HERC1: variants seen among roughly 807,000 people sequenced by gnomAD.
The protein encoded by HERC1 is probable E3 ubiquitin-protein ligase HERC1.
A neutral mutation model predicts 554.3 loss-of-function variants in HERC1; 160 were observed. That is an observed-to-expected ratio of 0.29 (90% CI 0.25 to 0.33). HERC1 has a LOEUF of 0.33. HERC1 is among the 10% of genes least tolerant of loss of function. The pLI is 1.00. For missense variants in HERC1, 4,919 were observed against 5,918.5 expected (o/e 0.83, Z 5.54); for synonymous variants, 2,175 against 2,131.7 (o/e 1.02, Z -0.56).
At chr15:63,766,649 C>T (rs950427875) in intron 2 of HERC1, among the ~76,000 whole-genome samples, 3 of 152,192 alleles carry the variant, frequency 2.0e-5, no homozygotes, top group Non-Finnish European at 4.4e-5. Context: ...TTTTAAGTTT[C>T]GTAATACATT....
At chr15:63,661,121 T>A in intron 45 of HERC1, 96 bp from the exon 46 acceptor site, 2 of 873,186 alleles carry the variant, frequency 2.3e-6, no homozygotes, top group Non-Finnish European at 3.8e-6. Flanking sequence ...AGGTCATTAA[T>A]AAAGCAGCAC....
At chr15:63,630,057 T>C (rs949375417) in intron 69 of HERC1, among the ~76,000 whole-genome samples, 1 of 152,176 alleles carries the variant, frequency 6.6e-6, no homozygotes, top group Non-Finnish European at 1.5e-5. Context: ...ATAAAAATAT[T>C]ATTGTTTCAT....
At chr15:63,725,081 T>C (rs912057649) in intron 18 of HERC1, among the ~76,000 whole-genome samples, 2 of 152,112 alleles carry the variant, frequency 1.3e-5, no homozygotes, top group Non-Finnish European at 2.9e-5. Flanking sequence ...AGACCTACAA[T>C]TTCTATTTCC....
chr15:63,661,025 C>G lies in HERC1; in HGVS notation c.9171G>C (p.Arg3057Ser). 6.2e-7 allele frequency: 1 copy of G among 1,609,784 alleles called. No homozygotes were observed. Among genetic ancestry groups the G allele is most frequent in the Non-Finnish European group, 8.5e-7 (1 of 1,176,190 alleles). ...KTKSKSTSSE[R>S]YKGQAPDLIG... ...TTAGATCTGGAGCTTGTCCCTTGTA[C>G]CTGCACCAAACATGAAGAACATTGC... The change falls in exon 46 of 78, where the codon AGG becomes AGC. Residue 3057 changes from arginine to serine, a missense_variant and splice_region_variant. Around this residue, in one of 11 missense-constraint regions of HERC1, gnomAD observed 1,963 missense variants for 2,228.6 expected, o/e 0.88. Coordinates refer to ENST00000443617, the MANE Select transcript of HERC1 (RefSeq NM_003922.4).
chr15:63,618,148 T>G lies in HERC1; in HGVS notation c.13689-1466A>C, dbSNP rs999366959. On this transcript the variant is annotated intron_variant, in intron 74 of 77. Transcript: ENST00000443617. ...GTTTTTATGGTTTTAGGTCTAACAT[T>G]TAAGTCTTTAATCCATCTTGAATTC... 6.9e-3 allele frequency among the ~76,000 whole-genome samples: 1,046 copies of G among 151,820 alleles called. 12 individuals carry two copies. Among genetic ancestry groups the G allele is most frequent in the African/African-American group, 0.024 (1,006 of 41,366 alleles).
intron 1 of HERC1, among the ~76,000 whole-genome samples, chr15:63,800,245 G>T (rs896671241): frequency 4.6e-5 from 7 of 152,144 alleles, no homozygotes; most frequent in African/African-American, 1.7e-4. Flanking sequence ...TTTCAAAGGG[G>T]AAGAGTTTAA....
At chr15:63,752,428 T>C (rs747079292) in intron 8 of HERC1, 1 of 152,234 alleles carries the variant, frequency 6.6e-6, no homozygotes, top group African/African-American at 2.4e-5. Flanking sequence ...AAAATACGCA[T>C]GTAAAAGTTC....
intron 1 of HERC1, among the ~76,000 whole-genome samples, chr15:63,826,814 A>AAAAAAATATATATATATAT (rs1567168622): frequency 4.5e-5 from 1 of 22,240 alleles, no homozygotes; most frequent in African/African-American, 1.3e-4. Context: ...AAAAAAAAAA[A>AAAAAAATATATATATATAT]ATATATATAT....
chr15:63,649,304 G>A (rs1053860262), intron 54 of HERC1, among the ~76,000 whole-genome samples: 1 of 152,138 alleles, frequency 6.6e-6, no homozygotes, highest in East Asian at 1.9e-4. Flanking sequence ...AGTGAGCCGA[G>A]ATCGCGCCAC....
At chr15:63,647,226 C>A (rs950126937) in intron 55 of HERC1, among the ~76,000 whole-genome samples, 1 of 151,516 alleles carries the variant, frequency 6.6e-6, no homozygotes, top group Admixed American at 6.6e-5. Context: ...TGCACTCCAG[C>A]CTGGGCGAAA....
chr15:63,674,192 T>C, intron 38 of HERC1, 150 bp downstream of exon 38: 1 of 563,404 alleles, frequency 1.8e-6, no homozygotes, highest in East Asian at 3.1e-5. Context: ...AAAAGAACTG[T>C]TTTCAAGAAA....
At chr15:63,664,657 G>A (rs1430389514) in intron 42 of HERC1, 63 bp from the exon 43 acceptor site, 4 of 1,463,738 alleles carry the variant, frequency 2.7e-6, no homozygotes, top group Non-Finnish European at 3.7e-6. Context: ...GAAAGCATAG[G>A]TGTAAGCTTA....
rs756166723 is a variant in HERC1 at position 63,656,092 on chromosome 15, G to T, written c.9866C>A (p.Thr3289Lys). ...SAAKLLVQLC[T>K]QNLISAATGV... Reference sequence around the variant, plus strand: ...AAAGTACTGAAAGTAGCTTACCTGTGTACACAACTGTACAAGCAGTTTGGC... The same window carrying T: ...AAAGTACTGAAAGTAGCTTACCTGTTTACACAACTGTACAAGCAGTTTGGC... Residue 3289 changes from threonine (T) to lysine (K), a missense_variant, in exon 49 of 78, where the codon ACA becomes AAA. Coordinates refer to ENST00000443617, the MANE Select transcript of HERC1 (RefSeq NM_003922.4). The T allele has an allele frequency of 6.2e-7, 1 of 1,612,498 alleles. No individual in the cohort carries two copies. The highest frequency in any genetic ancestry group is 8.5e-7 in the Non-Finnish European group (1 of 1,179,100).
At chr15:63,662,715 A>C (rs572639740) in intron 44 of HERC1, among the ~76,000 whole-genome samples, 1 of 152,342 alleles carries the variant, frequency 6.6e-6, no homozygotes, top group South Asian at 2.1e-4. Context: ...TTTATCTTTG[A>C]CATCAGAATC....
intron 1 of HERC1, among the ~76,000 whole-genome samples, chr15:63,822,489 G>C (rs2077736439): frequency 6.6e-6 from 1 of 151,994 alleles, no homozygotes; most frequent in Admixed American, 6.5e-5. Context: ...GGGAGGCTGA[G>C]GCAGGATAAT....
At chr15:63,658,750 A>G in intron 47 of HERC1, 32 bp from the exon 48 acceptor site, 1 of 1,557,640 alleles carries the variant, frequency 6.4e-7, no homozygotes, top group Non-Finnish European at 8.8e-7. Flanking sequence ...TGTTCTCAAC[A>G]AGGTAAGAAA....
rs376771585 is a variant in HERC1, at chr15:63,775,617, T to C, written c.7A>G (p.Thr3Ala). MA[T>A]MIPPVKLKWL... ...TTCAGCTTCACTGGTGGAATCATAGTTGCCATGTTGATTTATCCTTCAGCC... is the reference window on the plus strand; with the variant it reads ...TTCAGCTTCACTGGTGGAATCATAGCTGCCATGTTGATTTATCCTTCAGCC... Residue 3 changes from threonine to alanine, a missense_variant, in exon 2 of 78, where the codon ACT becomes GCT. This residue lies in a region of HERC1 where 110 missense variants were observed against 99.3 expected (regional missense o/e 1.11). Coordinates refer to ENST00000443617, the MANE Select transcript of HERC1 (RefSeq NM_003922.4). The surrounding 1 kb of genome is among the most constrained non-coding windows in gnomAD (Gnocchi z 4.0). 8.8e-6 allele frequency: 14 copies of C among 1,591,204 alleles called. No homozygotes were observed. The African/African-American group carries it at 9.4e-5, about 11-fold the overall frequency.
At chr15:63,704,734 A>ATTTTT (rs567922548) in intron 25 of HERC1, among the ~76,000 whole-genome samples, 1 of 88,434 alleles carries the variant, frequency 1.1e-5, no homozygotes, top group Admixed American at 1.2e-4. Flanking sequence ...ATACTCTGTA[A>ATTTTT]TTTTTTTTTT....
chr15:63,796,642 C>T (rs1477236584), intron 1 of HERC1, among the ~76,000 whole-genome samples: 1 of 152,142 alleles, frequency 6.6e-6, no homozygotes, highest in Non-Finnish European at 1.5e-5. Flanking sequence ...TGATTTTATA[C>T]ATTTTAGGGA....
Sources: gnomAD v4.1 joint callset for allele counts (sites outside exome capture counted in the v4.1 genomes callset) on GRCh38, gnomAD v4.1.1 for gene constraint, gnomAD v4.1.1 regional missense constraint, Gnocchi (gnomAD v3.1) non-coding constraint, MANE v1.5 for transcripts, NCBI Gene and HGNC (gene_info 2026-07-23, HGNC 2026-07-21) for gene names.